Variants in RABEPK observed in about 807,000 individuals in gnomAD.
RABEPK encodes the protein Rab9 effector protein with kelch motifs.
In RABEPK, 27 loss-of-function variants were observed where a neutral mutation model predicts 34.1. The ratio of observed to expected loss-of-function variants is 0.79; its 90% CI spans 0.58 to 1.09. The LOEUF is 1.09. Among genes scored for constraint, RABEPK ranks in the 50% least tolerant of loss-of-function variants. The pLI is 0.00. For synonymous variants in RABEPK, 172 were observed against 169.2 expected (o/e 1.02, Z -0.13); for missense variants, 449 against 462.6 (o/e 0.97, Z 0.27).
At chr9:125,208,244 T>G (rs1830364901) in intron 3 of RABEPK, among the ~76,000 whole-genome samples, 1 of 152,312 alleles carries the variant, frequency 6.6e-6, no homozygotes, top group East Asian at 1.9e-4. Flanking sequence ...AGAGAACCCT[T>G]ATGGAGCCCT....
intron 5 of RABEPK, among the ~76,000 whole-genome samples, chr9:125,227,381 C>T (rs1466207900): frequency 2.6e-5 from 4 of 151,680 alleles, no homozygotes; most frequent in Non-Finnish European, 5.9e-5. Context: ...GTAGTGGGCT[C>T]TCCAGCCCTA....
intron 4 of RABEPK, among the ~76,000 whole-genome samples, chr9:125,215,668 T>C (rs1830888579): frequency 6.6e-6 from 1 of 152,092 alleles, no homozygotes; most frequent in African/African-American, 2.4e-5. Flanking sequence ...CTCCATAATA[T>C]CATAACTTCT....
Position 125,227,961 on chromosome 9 carries a change from G to T in RABEPK, c.578G>T (p.Arg193Leu). 1.2e-6 allele frequency: 2 copies of T among 1,608,730 alleles called. No homozygotes were observed. The highest frequency in any genetic ancestry group is 1.7e-4 in the Middle Eastern group (1 of 6,044). ...PETLGNPPSP[R>L]HGHVMVAAGT... ...ACACTTGGAAATCCTCCATCTCCCC[G>T]GCATGGTCATGTGATGGTGGCAGCA... Residue 193 changes from arginine (R) to leucine (L), a missense_variant, in exon 6 of 8, where the codon CGG becomes CTG. Arg to Leu is a moderately radical substitution (Grantham distance 102, BLOSUM62 -2). Transcript: ENST00000373538.
intron 5 of RABEPK, among the ~76,000 whole-genome samples, chr9:125,227,043 G>T (rs1002739933): frequency 6.6e-6 from 1 of 151,440 alleles, no homozygotes; most frequent in South Asian, 2.1e-4. Flanking sequence ...GGTGTTGCAT[G>T]CCTGTAATCC....
chr9:125,225,699 G>A (rs1024478012), intron 5 of RABEPK, among the ~76,000 whole-genome samples: 22 of 151,850 alleles, frequency 1.4e-4, no homozygotes, highest in Non-Finnish European at 4.4e-5. Context: ...GGTGGCTAAC[G>A]CCTGTAATCC....
At chr9:125,232,377 G>A (rs1014747858) in intron 6 of RABEPK, among the ~76,000 whole-genome samples, 7 of 152,228 alleles carry the variant, frequency 4.6e-5, no homozygotes, top group East Asian at 1.9e-4. Flanking sequence ...CATCAGAATC[G>A]CCTGAGATTC....
chr9:125,209,484 G>C (rs1250781108), intron 3 of RABEPK, among the ~76,000 whole-genome samples: 1 of 151,972 alleles, frequency 6.6e-6, no homozygotes, highest in Non-Finnish European at 1.5e-5. Flanking sequence ...TGAATAGCTG[G>C]GATTACAGGC....
intron 5 of RABEPK, chr9:125,221,585 T>C (rs184601166): frequency 2.0e-5 from 3 of 151,632 alleles, no homozygotes; most frequent in Non-Finnish European, 4.4e-5. Flanking sequence ...AAAGAAAGAA[T>C]AAGAAAGACA....
chr9:125,220,920 G>A, intron 5 of RABEPK: 1 of 499,940 alleles, frequency 2.0e-6, no homozygotes, highest in South Asian at 4.6e-5. Context: ...TAATCCCAGA[G>A]CTTTGGAAGG....
intron 3 of RABEPK, among the ~76,000 whole-genome samples, chr9:125,208,683 C>T (rs1830399100): frequency 6.6e-6 from 1 of 151,672 alleles, no homozygotes; most frequent in South Asian, 2.1e-4. Flanking sequence ...TTACAGGCGC[C>T]CACCACTACA....
chr9:125,233,824 T>A lies in RABEPK; in HGVS notation c.963T>A (p.His321Gln). The A allele has an allele frequency of 6.2e-7, 1 of 1,614,132 alleles. No homozygotes were observed. Among genetic ancestry groups the A allele is most frequent in the South Asian group, 1.1e-5 (1 of 91,084 alleles). Residue 321 changes from histidine (H) to glutamine (Q), a missense_variant, in exon 8 of 8, where the codon CAT becomes CAA. Physicochemically the swap from His to Gln is conservative, Grantham distance 24 (BLOSUM62 0). Coordinates refer to ENST00000373538, the MANE Select transcript of RABEPK (RefSeq NM_005833.4). ...KEDSNSLTLN[H>Q]EAEKEDSADK... ...ATTCCAACTCTCTCACTCTGAACCATGAAGCTGAGAAAGAGGATTCAGCTG... is the reference window on the plus strand; with the variant it reads ...ATTCCAACTCTCTCACTCTGAACCAAGAAGCTGAGAAAGAGGATTCAGCTG...
At chr9:125,203,595 T>C (rs1830035395) in intron 2 of RABEPK, among the ~76,000 whole-genome samples, 1 of 152,096 alleles carries the variant, frequency 6.6e-6, no homozygotes, top group Admixed American at 6.6e-5. Context: ...TGTAGAGAGG[T>C]GGCAGTTCTT....
intron 7 of RABEPK, among the ~76,000 whole-genome samples, 188 bp from the exon 8 acceptor site, chr9:125,233,500 A>C (rs1038551031): frequency 6.6e-6 from 1 of 151,464 alleles, no homozygotes; most frequent in East Asian, 1.9e-4. Context: ...CACCATGCCC[A>C]GCTAATTTTT....
At chr9:125,226,890 C>G (rs1433715340) in intron 5 of RABEPK, among the ~76,000 whole-genome samples, 1 of 144,906 alleles carries the variant, frequency 6.9e-6, no homozygotes, top group Non-Finnish European at 1.5e-5. Flanking sequence ...TAAATAGAAG[C>G]CAGGCGTGGT....
intron 5 of RABEPK, among the ~76,000 whole-genome samples, chr9:125,223,183 G>A (rs1178211375): frequency 6.6e-6 from 1 of 152,006 alleles, no homozygotes; most frequent in African/African-American, 2.4e-5. Context: ...AGGAGGCTGA[G>A]GCAGCAGAAT....
intron 5 of RABEPK, among the ~76,000 whole-genome samples, chr9:125,225,698 C>T (rs1242526387): frequency 1.3e-5 from 2 of 150,444 alleles, no homozygotes; most frequent in South Asian, 2.1e-4. Context: ...TGGTGGCTAA[C>T]GCCTGTAATC....
At chr9:125,220,517 G>T (rs1278049845) in intron 4 of RABEPK, 22 bp from the exon 5 acceptor site, 1 of 1,605,548 alleles carries the variant, frequency 6.2e-7, no homozygotes, top group South Asian at 1.1e-5. Flanking sequence ...TATTTTAAGT[G>T]CCTGCATTCT....
rs777057296 is a variant in RABEPK, at chr9:125,207,614, G to A, written c.104G>A (p.Ser35Asn). 2 of 1,614,158 alleles carry A rather than the reference G, an allele frequency of 1.2e-6. No individual in the cohort carries two copies. The highest frequency in any genetic ancestry group is 1.7e-6 in the Non-Finnish European group (2 of 1,179,998). The change falls in exon 3 of 8, where the codon AGC (serine) becomes AAC (asparagine). Residue 35 changes from serine (S) to asparagine (N), a missense_variant. By Grantham distance (46) the Ser-to-Asn change is conservative (BLOSUM62 1). Coordinates refer to ENST00000373538, the MANE Select transcript of RABEPK (RefSeq NM_005833.4). ...GDSPCARVGHSCSYLPPVGNA... is the reference protein window; with the variant it reads ...GDSPCARVGHNCSYLPPVGNA... The stretch of plus-strand genomic sequence containing the variant: ...AGCCCCTGTGCTCGAGTTGGCCACA[G>A]CTGTTCATATTTACCCCCAGTTGGT...
intron 5 of RABEPK, chr9:125,222,033 C>G (rs993525436): frequency 6.6e-6 from 1 of 151,898 alleles, no homozygotes; most frequent in African/African-American, 2.4e-5. Context: ...AGGCTGGTCT[C>G]AAACTCATGA....
Sources: allele counts gnomAD v4.1 joint callset (sites outside exome capture counted in the v4.1 genomes callset), GRCh38; gene constraint gnomAD v4.1.1; transcripts MANE v1.5; gene names NCBI Gene and HGNC (gene_info 2026-07-23, HGNC 2026-07-21).